The following PARD3 variants were observed in gnomAD, a reference collection of about 807,000 sequenced individuals.
The protein encoded by PARD3 is par-3 family cell polarity regulator, also known as partitioning defective 3 homolog.
In PARD3, 75 loss-of-function variants were observed where a neutral mutation model predicts 155.4. The observed-to-expected ratio is 0.48, with a 90% CI of 0.40 to 0.58. The LOEUF (loss-of-function observed/expected upper bound fraction) is 0.58, where lower values mean the gene tolerates loss of function less well. Among genes scored for constraint, PARD3 ranks in the 20% least tolerant of loss-of-function variants. The pLI is 0.00. For synonymous variants in PARD3, 576 were observed against 610.5 expected, an observed-to-expected ratio of 0.94 and a Z score of 0.83; for missense variants, 1,642 against 1,721.7, an observed-to-expected ratio of 0.95 and a Z score of 0.82.
intron 2 of PARD3, among the ~76,000 whole-genome samples, chr10:34,546,198 T>A (rs2084036965): frequency 6.6e-6 from 1 of 152,096 alleles, no homozygotes; most frequent in Non-Finnish European, 1.5e-5. Context: ...TTAACACTCT[T>A]TTTTTTGAAG....
At chr10:34,482,461 G>A (rs2079145705) in intron 3 of PARD3, among the ~76,000 whole-genome samples, 1 of 151,964 alleles carries the variant, frequency 6.6e-6, no homozygotes, top group Non-Finnish European at 1.5e-5. Context: ...GTGAGCCCCT[G>A]CCCCAGGCCT....
chr10:34,334,364 A>G (rs1183537134), intron 18 of PARD3, among the ~76,000 whole-genome samples: 151 of 142,874 alleles, frequency 1.1e-3, no homozygotes, highest in African/African-American at 3.7e-3. Flanking sequence ...AAAAAAAAAA[A>G]GAAAGGAAAG....
At chr10:34,729,468 T>C (rs1407447511) in intron 1 of PARD3, among the ~76,000 whole-genome samples, 1 of 150,786 alleles carries the variant, frequency 6.6e-6, no homozygotes, top group Non-Finnish European at 1.5e-5. Flanking sequence ...CAGGCGGAGG[T>C]TGCAGTGAGC....
At chr10:34,397,687 T>C (rs993605145) in intron 7 of PARD3, among the ~76,000 whole-genome samples, 1 of 152,182 alleles carries the variant, frequency 6.6e-6, no homozygotes, top group African/African-American at 2.4e-5. Flanking sequence ...CACTTTACCC[T>C]AATATCCTTT....
chr10:34,524,294 G>C (rs1217071914), intron 2 of PARD3, among the ~76,000 whole-genome samples: 1 of 152,158 alleles, frequency 6.6e-6, no homozygotes, highest in Non-Finnish European at 1.5e-5. Context: ...AGGGAGACCT[G>C]TCCGACAAGA....
At chr10:34,413,517 T>G (rs982238621) in intron 5 of PARD3, among the ~76,000 whole-genome samples, 1 of 151,470 alleles carries the variant, frequency 6.6e-6, no homozygotes, top group African/African-American at 2.4e-5. Flanking sequence ...TTCAAAACCC[T>G]GAATCTGTCA....
chr10:34,313,117 G>C (rs959038490), intron 20 of PARD3, among the ~76,000 whole-genome samples: 1 of 152,068 alleles, frequency 6.6e-6, no homozygotes, highest in Non-Finnish European at 1.5e-5. Context: ...CCTCTTTCGT[G>C]ACAATTTCAT....
chr10:34,725,732 C>A (rs1438242332), intron 1 of PARD3, among the ~76,000 whole-genome samples: 7 of 152,166 alleles, frequency 4.6e-5, no homozygotes, highest in Non-Finnish European at 7.4e-5. Context: ...CAACCAAGAA[C>A]AAGTGAATTA....
At chr10:34,560,495 A>G (rs1180208552) in intron 2 of PARD3, among the ~76,000 whole-genome samples, 1 of 152,260 alleles carries the variant, frequency 6.6e-6, no homozygotes, top group Admixed American at 6.5e-5. Context: ...CAATGTCACA[A>G]AAAAACAAAA....
chr10:34,546,386 T>G (rs576329413), intron 2 of PARD3, among the ~76,000 whole-genome samples: 3 of 151,986 alleles, frequency 2.0e-5, no homozygotes, highest in South Asian at 4.2e-4. Context: ...GCATGGTGGC[T>G]GGCACCTGTA....
intron 20 of PARD3, among the ~76,000 whole-genome samples, chr10:34,300,998 G>T (rs571132630): frequency 3.8e-4 from 58 of 151,826 alleles, no homozygotes; most frequent in African/African-American, 1.1e-3. Flanking sequence ...ACAATCCTTT[G>T]TGAGAATCTG....
At chr10:34,258,101 G>C (rs1954753356) in intron 22 of PARD3, among the ~76,000 whole-genome samples, 1 of 152,158 alleles carries the variant, frequency 6.6e-6, no homozygotes, top group South Asian at 2.1e-4. Context: ...GATATAATTA[G>C]CCTGAGATTG....
intron 20 of PARD3, among the ~76,000 whole-genome samples, chr10:34,309,300 C>A (rs540401595): frequency 1.3e-5 from 2 of 152,070 alleles, no homozygotes; most frequent in South Asian, 2.1e-4. Flanking sequence ...GTGGCTCATG[C>A]CTCATCTCAG....
At chr10:34,199,907 A>C in intron 22 of PARD3, among the ~76,000 whole-genome samples, 1 of 152,168 alleles carries the variant, frequency 6.6e-6, no homozygotes, top group East Asian at 1.9e-4. Context: ...AAAAAACAGA[A>C]TACCACATCC....
At chr10:34,464,457 C>T (rs1420332111) in intron 4 of PARD3, among the ~76,000 whole-genome samples, 2 of 152,102 alleles carry the variant, frequency 1.3e-5, no homozygotes, top group Non-Finnish European at 2.9e-5. Context: ...GAAACAATTA[C>T]TAATAGCTTT....
chr10:34,441,407 T>C (rs2076455207), intron 5 of PARD3, among the ~76,000 whole-genome samples: 1 of 152,198 alleles, frequency 6.6e-6, no homozygotes, highest in South Asian at 2.1e-4. Context: ...TTGTATACAA[T>C]GAAAATGAAG....
At chr10:34,693,252 T>C (rs544911305) in intron 2 of PARD3, among the ~76,000 whole-genome samples, 4 of 152,308 alleles carry the variant, frequency 2.6e-5, no homozygotes, top group African/African-American at 4.8e-5. Context: ...TTACTGTGTA[T>C]ATATCCAAAG....
At chr10:34,724,273 T>C (rs2094660438) in intron 1 of PARD3, among the ~76,000 whole-genome samples, 1 of 152,184 alleles carries the variant, frequency 6.6e-6, no homozygotes, top group South Asian at 2.1e-4. Flanking sequence ...TTGTGATCTA[T>C]GGCTTTCTCC....
At chr10:34,384,025 A>G in intron 8 of PARD3, 104 bp downstream of exon 8, 6 of 1,124,630 alleles carry the variant, frequency 5.3e-6, no homozygotes, top group Non-Finnish European at 7.7e-6. Flanking sequence ...ATTCCTCTCC[A>G]GTATACAGAC....
Sources: gnomAD v4.1 joint callset for allele counts (sites outside exome capture counted in the v4.1 genomes callset) on GRCh38, gnomAD v4.1.1 for gene constraint, MANE v1.5 for transcripts, NCBI Gene and HGNC (gene_info 2026-07-23, HGNC 2026-07-21) for gene names.